The following C8orf34 variants were observed in gnomAD, a reference collection of about 807,000 sequenced individuals.
The protein encoded by C8orf34 is chromosome 8 open reading frame 34, also known as uncharacterized protein C8orf34.
Under a neutral mutation model 68.3 loss-of-function variants are expected in C8orf34, and 65 were observed. The observed-to-expected ratio is 0.95, with a 90% CI of 0.78 to 1.17. The LOEUF is 1.17. C8orf34 is among the 50% of genes most tolerant of loss of function. The probability of loss-of-function intolerance (pLI) is 0.00; values close to 1 mark genes in which losing one functional copy is unlikely to be tolerated. For missense variants in C8orf34, 664 were observed against 655.4 expected, an observed-to-expected ratio of 1.01 and a Z score of -0.14; for synonymous variants, 244 against 241.2, an observed-to-expected ratio of 1.01 and a Z score of -0.11.
intron 7 of C8orf34, among the ~76,000 whole-genome samples, chr8:68,546,391 A>G (rs1013522280): frequency 6.6e-6 from 1 of 151,996 alleles, no homozygotes; most frequent in African/African-American, 2.4e-5. Context: ...AAAAGTAGGC[A>G]AAAGAGAGTT....
At chr8:68,617,856 C>T (rs946408592) in intron 7 of C8orf34, among the ~76,000 whole-genome samples, 6 of 152,190 alleles carry the variant, frequency 3.9e-5, no homozygotes, top group Non-Finnish European at 7.3e-5. Flanking sequence ...GGGAAGTTCT[C>T]CTGGATAATA....
At chr8:68,669,249 G>C (rs1052983202) in intron 8 of C8orf34, among the ~76,000 whole-genome samples, 2 of 151,998 alleles carry the variant, frequency 1.3e-5, no homozygotes, top group African/African-American at 4.8e-5. Flanking sequence ...TTGATAATGG[G>C]GGAGGCTGTG....
chr8:68,594,278 A>G (rs1170689782), intron 7 of C8orf34, among the ~76,000 whole-genome samples: 1 of 151,832 alleles, frequency 6.6e-6, no homozygotes, highest in Non-Finnish European at 1.5e-5. Context: ...TCTTCCTATA[A>G]TTGTCTGGTG....
rs149971081 is a variant in C8orf34 at position 68,576,507 on chromosome 8, A to G, written c.1105+43358A>G. Among the ~76,000 whole-genome samples, 4 of 151,748 alleles carry G rather than the reference A, an allele frequency of 2.6e-5. No individual in the cohort carries two copies. The East Asian group carries it at 7.7e-4, about 29-fold the overall frequency. On this transcript the variant is annotated intron_variant, in intron 7 of 13. Coordinates refer to ENST00000518698, the MANE Select transcript of C8orf34 (RefSeq NM_052958.4). ...TCTTAGTTACTTTTTCTCAGCTACAATTCTTTCAATATTATTGTCTATAAA... is the reference window on the plus strand; with the variant it reads ...TCTTAGTTACTTTTTCTCAGCTACAGTTCTTTCAATATTATTGTCTATAAA...
At chr8:68,586,055 G>T (rs74451367) in intron 7 of C8orf34, among the ~76,000 whole-genome samples, 4,740 of 152,158 alleles carry the variant, frequency 0.031, 242 homozygotes, top group African/African-American at 0.11. Context: ...AAGTATAATA[G>T]TAAGAACTGA....
chr8:68,527,245 A>G (rs913896993), intron 6 of C8orf34, among the ~76,000 whole-genome samples: 1 of 152,114 alleles, frequency 6.6e-6, no homozygotes, highest in African/African-American at 2.4e-5. Context: ...TGTGCTTTGC[A>G]TATTGTAACC....
chr8:68,816,828 TA>T (rs1824834533), intron 13 of C8orf34, among the ~76,000 whole-genome samples: 1 of 152,036 alleles, frequency 6.6e-6, no homozygotes, highest in Admixed American at 6.6e-5. Context: ...GGAAAGCATG[TA>T]AAAAATAGAA....
intron 3 of C8orf34, among the ~76,000 whole-genome samples, chr8:68,452,043 A>G (rs1255242453): frequency 2.0e-5 from 3 of 151,932 alleles, no homozygotes; most frequent in Non-Finnish European, 4.4e-5. Context: ...TGGTATGCAC[A>G]CTACTTCAGT....
chr8:68,518,132 A>G (rs552418238), intron 5 of C8orf34, among the ~76,000 whole-genome samples: 31 of 152,280 alleles, frequency 2.0e-4, no homozygotes, highest in African/African-American at 7.5e-4. Flanking sequence ...CCCAAACCTC[A>G]GCATCACCCA....
At chr8:68,686,531 A>C (rs1341759450) in intron 8 of C8orf34, among the ~76,000 whole-genome samples, 1 of 152,154 alleles carries the variant, frequency 6.6e-6, no homozygotes, top group Non-Finnish European at 1.5e-5. Context: ...GAACCGTATG[A>C]TCATCTCAAT....
At chr8:68,459,556 A>T (rs1193536160) in intron 3 of C8orf34, among the ~76,000 whole-genome samples, 1 of 152,166 alleles carries the variant, frequency 6.6e-6, no homozygotes, top group African/African-American at 2.4e-5. Flanking sequence ...ATACACTGTT[A>T]GTAGGAAGGT....
At chr8:68,457,314 A>T (rs1474112182) in intron 3 of C8orf34, among the ~76,000 whole-genome samples, 1 of 152,228 alleles carries the variant, frequency 6.6e-6, no homozygotes, top group Admixed American at 6.5e-5. Flanking sequence ...CATGATATGG[A>T]AATACAGAAG....
chr8:68,473,461 G>A (rs2129630279), intron 4 of C8orf34, among the ~76,000 whole-genome samples: 1 of 152,232 alleles, frequency 6.6e-6, no homozygotes, highest in South Asian at 2.1e-4. Flanking sequence ...AAGGAAAAGG[G>A]AAGACAGAGC....
intron 12 of C8orf34, among the ~76,000 whole-genome samples, chr8:68,808,326 C>T (rs2129529826): frequency 6.6e-6 from 1 of 152,168 alleles, no homozygotes; most frequent in South Asian, 2.1e-4. Flanking sequence ...ATTAAATATT[C>T]AGATTATTGC....
intron 1 of C8orf34, among the ~76,000 whole-genome samples, chr8:68,388,233 A>G (rs1517130): frequency 0.19 from 28,449 of 152,050 alleles, 2,910 homozygotes; most frequent in African/African-American, 0.26. Flanking sequence ...GAAGAGTTTT[A>G]GGATAAAGTG....
intron 4 of C8orf34, among the ~76,000 whole-genome samples, chr8:68,481,694 T>C (rs1812867603): frequency 6.6e-6 from 1 of 152,224 alleles, no homozygotes; most frequent in Non-Finnish European, 1.5e-5. Context: ...CTGCTGGATT[T>C]TGGACTTGCA....
chr8:68,716,101 T>C (rs776119747), intron 9 of C8orf34, among the ~76,000 whole-genome samples: 2 of 151,834 alleles, frequency 1.3e-5, no homozygotes, highest in Admixed American at 1.3e-4. Flanking sequence ...CACTCATATG[T>C]GGGAGCTAAG....
At chr8:68,731,856 G>A (rs1413958918) in intron 10 of C8orf34, among the ~76,000 whole-genome samples, 1 of 152,206 alleles carries the variant, frequency 6.6e-6, no homozygotes, top group African/African-American at 2.4e-5. Context: ...TAGGCTTTTA[G>A]GTTGGATATT....
intron 1 of C8orf34, among the ~76,000 whole-genome samples, chr8:68,354,188 AG>A (rs1357270955): frequency 2.6e-5 from 4 of 152,160 alleles, no homozygotes; most frequent in Admixed American, 1.3e-4. Context: ...ATAAAACAAA[AG>A]TATGAGATTA....
Sources: gnomAD v4.1 joint callset for allele counts (sites outside exome capture counted in the v4.1 genomes callset) on GRCh38, gnomAD v4.1.1 for gene constraint, MANE v1.5 for transcripts, NCBI Gene and HGNC (gene_info 2026-07-23, HGNC 2026-07-21) for gene names.